The following UGT2B11 variants were observed in gnomAD, a reference collection of about 807,000 sequenced individuals.
UGT2B11 encodes the protein UDP-glucuronosyltransferase 2B11.
A neutral mutation model predicts 51.7 loss-of-function variants in UGT2B11; 49 were observed. The observed-to-expected ratio is 0.95, with a 90% CI of 0.75 to 1.20. The LOEUF (loss-of-function observed/expected upper bound fraction) is 1.20, where lower values mean the gene tolerates loss of function less well. Among genes scored for constraint, UGT2B11 ranks in the 50% most tolerant of loss-of-function variants. UGT2B11 has a pLI of 0.00. For missense variants in UGT2B11, 810 were observed against 622.1 expected (o/e 1.30, Z -3.21); for synonymous variants, 273 against 209.0 (o/e 1.31, Z -2.64).
At position 69,211,373 on chromosome 4, in the gene UGT2B11, A is replaced by C. The variant is rs924447026; in HGVS notation, c.870+1200T>G. On this transcript the variant is annotated intron_variant, in intron 2 of 5. Transcript: ENST00000446444. ...CATCTTACTGTCACAATTGGTATGT[A>C]TAATTTTAATCAAGTCCACAGGGTA... Among the ~76,000 whole-genome samples the C allele has an allele frequency of 4.0e-5, 6 of 151,614 alleles. No homozygotes were observed. The South Asian group carries it at 6.2e-4, about 16-fold the overall frequency.
Position 69,204,728 on chromosome 4 carries a change from T to G in UGT2B11, c.1091-79A>C. 9 of 1,601,000 alleles carry G rather than the reference T, an allele frequency of 5.6e-6. No homozygotes were observed. In the Admixed American group the frequency reaches 1.5e-4, roughly 27 times the overall value. ...CAATGAAAGGTTCTGAAAGTGACAG[T>G]GTTTTCTAGATAACACATTGAACTA... On this transcript the variant is annotated intron_variant, in intron 4 of 5. Coordinates refer to ENST00000446444, the MANE Select transcript of UGT2B11 (RefSeq NM_001073.3).
upstream of UGT2B11, among the ~76,000 whole-genome samples, chr4:69,219,133 G>C (rs1170971203): frequency 6.6e-6 from 1 of 151,656 alleles, no homozygotes; most frequent in Admixed American, 6.6e-5. Context: ...CCAAAGATCT[G>C]TTCAAATTAT....
At chr4:69,205,355 A>T in intron 4 of UGT2B11, 125 bp downstream of exon 4, 3 of 1,279,098 alleles carry the variant, frequency 2.3e-6, no homozygotes, top group Non-Finnish European at 3.3e-6. Context: ...TTCCCCTAGG[A>T]CTGGAAAATA....
intron 2 of UGT2B11, among the ~76,000 whole-genome samples, chr4:69,212,013 C>T (rs1465256934): frequency 6.6e-6 from 1 of 151,400 alleles, no homozygotes. Context: ...TTGTCTGCCC[C>T]TCCCCTTCAT....
At chr4:69,211,849 T>C (rs1722076784) in intron 2 of UGT2B11, among the ~76,000 whole-genome samples, 1 of 151,580 alleles carries the variant, frequency 6.6e-6, no homozygotes, top group Non-Finnish European at 1.5e-5. Context: ...TAACTCTTTT[T>C]AGTAGTTTTT....
Position 69,214,514 on chromosome 4 carries a change from G to C in UGT2B11, c.209C>G (p.Ser70Cys), listed in dbSNP as rs188477794. Residue 70 changes from serine to cysteine, a missense_variant, in exon 1 of 6, where the codon TCC becomes TGC. Physicochemically the swap from Ser to Cys is moderately radical, Grantham distance 112. Coordinates refer to ENST00000446444, the MANE Select transcript of UGT2B11 (RefSeq NM_001073.3). ...ASILFDPNDA[S>C]TLKFEVYPTS... ...AGGATAAACTTCAAATTTAAGAGTG[G>C]ATGCATCATTGGGATCAAAAAGAAT... The C allele has an allele frequency of 6.2e-6, 10 of 1,613,026 alleles. No individual in the cohort carries two copies. The highest frequency in any genetic ancestry group is 7.6e-6 in the Non-Finnish European group (9 of 1,179,446).
chr4:69,200,252 C>T lies in UGT2B11; in HGVS notation c.*188G>A, dbSNP rs1246451381. On this transcript the variant is annotated 3_prime_UTR_variant, in exon 6 of 6. Coordinates refer to ENST00000446444, the MANE Select transcript of UGT2B11 (RefSeq NM_001073.3). ...TTCATTGCCACAAAATATTTCTAAC[C>T]ATTACCTGGGTGGTAAATCTCTGAA... 5 of 788,202 alleles carry T rather than the reference C, an allele frequency of 6.3e-6. No individual in the cohort carries two copies. Among genetic ancestry groups the T allele is most frequent in the African/African-American group, 5.4e-5 (3 of 55,274 alleles). 48.8% of individuals were successfully genotyped at this position (788,202 alleles called of 1,614,324 possible).
At chr4:69,207,911 A>G (rs1476235080) in intron 3 of UGT2B11, among the ~76,000 whole-genome samples, 4 of 151,624 alleles carry the variant, frequency 2.6e-5, no homozygotes, top group South Asian at 2.1e-4. Flanking sequence ...TTGTATTTCT[A>G]CAAAGATGCA....
chr4:69,207,451 C>G (rs1193154918), intron 3 of UGT2B11, among the ~76,000 whole-genome samples: 5 of 151,660 alleles, frequency 3.3e-5, no homozygotes, highest in Admixed American at 2.6e-4. Flanking sequence ...TTACTCTATA[C>G]AGAAGAAAAT....
upstream of UGT2B11, among the ~76,000 whole-genome samples, chr4:69,219,040 C>T (rs1722342278): frequency 6.6e-6 from 1 of 152,106 alleles, no homozygotes; most frequent in Admixed American, 6.6e-5. Context: ...AGTATTCAGG[C>T]ACCCCATTCA....
intron 2 of UGT2B11, among the ~76,000 whole-genome samples, chr4:69,210,450 G>T (rs1286073736): frequency 6.6e-6 from 1 of 151,358 alleles, no homozygotes; most frequent in Admixed American, 6.6e-5. Context: ...ATGCAACCTG[G>T]GTTAGCAATT....
Position 69,204,694 on chromosome 4 carries a change from T to C in UGT2B11, c.1091-45A>G, listed in dbSNP as rs774091275. ...AGCAAAATTATTCATAGGAATAAAA[T>C]GAGATGCACAATGAAAGGTTCTGAA... On this transcript the variant is annotated intron_variant, in intron 4 of 5. Transcript: ENST00000446444. 5 of 1,609,238 alleles carry C rather than the reference T, an allele frequency of 3.1e-6. No homozygotes were observed. In the South Asian group the frequency reaches 4.4e-5, roughly 14 times the overall value.
the UGT2B11 span, among the ~76,000 whole-genome samples, chr4:69,224,403 G>A: frequency 6.6e-6 from 1 of 152,088 alleles, no homozygotes; most frequent in Non-Finnish European, 1.5e-5. Context: ...GTATGAACCG[G>A]ATCCAGACTT....
At chr4:69,217,385 A>T (rs1722300574), upstream of UGT2B11, among the ~76,000 whole-genome samples, 1 of 152,168 alleles carries the variant, frequency 6.6e-6, no homozygotes, top group Admixed American at 6.6e-5. Context: ...GGATGTTGGA[A>T]CACAGTTTCT....
At chr4:69,221,759 G>T in the UGT2B11 span, among the ~76,000 whole-genome samples, 1 of 152,188 alleles carries the variant, frequency 6.6e-6, no homozygotes, top group African/African-American at 2.4e-5. Context: ...GGCCACACCA[G>T]TGTCCAGGAG....
At chr4:69,214,988 T>C (rs762801550), upstream of UGT2B11, 45 of 413,162 alleles carry the variant, frequency 1.1e-4, no homozygotes, top group Middle Eastern at 2.8e-3. Context: ...TTATGTAACC[T>C]ACTTTATAAT....
At position 69,214,262 on chromosome 4, in the gene UGT2B11, A is replaced by G. The variant is rs2109955872; in HGVS notation, c.461T>C (p.Phe154Ser). 4 of 1,613,328 alleles carry G rather than the reference A, an allele frequency of 2.5e-6. No homozygotes were observed. Among genetic ancestry groups the G allele is most frequent in the East Asian group, 2.2e-5 (1 of 44,794 alleles). ...RFDIVFADAV[F>S]PCGELLAALL... ...CGCAGCCAGCAGCTCACCACAGGGAAAAACAGCATCTGCAAAAACGATGTC... is the reference window on the plus strand; with the variant it reads ...CGCAGCCAGCAGCTCACCACAGGGAGAAACAGCATCTGCAAAAACGATGTC... Residue 154 changes from phenylalanine to serine, a missense_variant, in exon 1 of 6, where the codon TTT becomes TCT. Coordinates refer to ENST00000446444, the MANE Select transcript of UGT2B11 (RefSeq NM_001073.3).
Position 69,214,117 on chromosome 4 carries a change from A to T in UGT2B11, c.606T>A (p.Ser202Arg), listed in dbSNP as rs768129033. The change falls in exon 1 of 6, where the codon AGT (serine) becomes AGA (arginine). Residue 202 changes from serine (S) to arginine (R), a missense_variant. By Grantham distance (110) the Ser-to-Arg change is moderately radical (BLOSUM62 -1). Transcript: ENST00000446444. ...SYIPIVMSKL[S>R]DQMTFMERVK... ...CCCTCTCCATGAAAGTCATTTGATCACTTAATTTTGACATAACAATAGGTA... is the reference window on the plus strand; with the variant it reads ...CCCTCTCCATGAAAGTCATTTGATCTCTTAATTTTGACATAACAATAGGTA... The T allele has an allele frequency of 6.2e-5, 100 of 1,612,238 alleles. No individual in the cohort carries two copies. The highest frequency in any genetic ancestry group is 3.3e-5 in the Admixed American group (2 of 59,736).
Position 69,214,217 on chromosome 4 carries a change from A to G in UGT2B11, c.506T>C (p.Val169Ala). 1.2e-6 allele frequency: 2 copies of G among 1,613,292 alleles called. No individual in the cohort carries two copies. The highest frequency in any genetic ancestry group is 1.7e-6 in the Non-Finnish European group (2 of 1,179,496). ...LLAALLNIRF[V>A]YSLRFTPGYT... Reference sequence around the variant, plus strand: ...GCCAGGAGTAAAGCGGAGACTGTACACAAACCGTATGTTAAGTAGCGCAGC... The same window carrying G: ...GCCAGGAGTAAAGCGGAGACTGTACGCAAACCGTATGTTAAGTAGCGCAGC... Residue 169 changes from valine to alanine, a missense_variant, in exon 1 of 6, where the codon GTG (valine) becomes GCG (alanine). Physicochemically the swap from Val to Ala is moderately conservative, Grantham distance 64. Coordinates refer to ENST00000446444, the MANE Select transcript of UGT2B11 (RefSeq NM_001073.3).
Sources: allele counts gnomAD v4.1 joint callset (sites outside exome capture counted in the v4.1 genomes callset), GRCh38; gene constraint gnomAD v4.1.1; transcripts MANE v1.5; gene names NCBI Gene and HGNC (gene_info 2026-07-23, HGNC 2026-07-21).